The following PCDHGA3 variants were observed in gnomAD, a reference collection of about 807,000 sequenced individuals.
PCDHGA3 encodes the protein protocadherin gamma subfamily A, 3, also known as protocadherin gamma-A3.
In PCDHGA3, 40 loss-of-function variants were observed where a neutral mutation model predicts 58.5. The ratio of observed to expected loss-of-function variants is 0.68; its 90% CI spans 0.53 to 0.89. The LOEUF is 0.89. Ranked by LOEUF, PCDHGA3 falls within the 40% of genes least tolerant of loss-of-function variation. The pLI, the probability that PCDHGA3 is intolerant of heterozygous loss-of-function variation, is 0.00. For synonymous variants in PCDHGA3, 530 were observed against 525.7 expected (o/e 1.01, Z -0.11); for missense variants, 1,223 against 1,195.9 (o/e 1.02, Z -0.33).
At chr5:141,412,139 T>C (rs1380576842) in intron 1 of PCDHGA3, 1 of 152,250 alleles carries the variant, frequency 6.6e-6, no homozygotes, top group Non-Finnish European at 1.5e-5. Flanking sequence ...TGGCCTCTGA[T>C]ACAAACTGCC....
At chr5:141,389,088 T>G (rs774714581) in intron 1 of PCDHGA3, 2 of 1,613,894 alleles carry the variant, frequency 1.2e-6, no homozygotes, top group Non-Finnish European at 1.7e-6. Context: ...CACGTATAAA[T>G]TAGTGACAGA....
At chr5:141,365,866 T>C (rs1335120625) in intron 1 of PCDHGA3, 1 of 1,614,068 alleles carries the variant, frequency 6.2e-7, no homozygotes, top group South Asian at 1.1e-5. Flanking sequence ...CTGACACCGG[T>C]GTCCTGTATG....
intron 1 of PCDHGA3, among the ~76,000 whole-genome samples, chr5:141,348,106 A>G (rs1316690272): frequency 1.3e-5 from 2 of 152,266 alleles, no homozygotes; most frequent in Non-Finnish European, 2.9e-5. Context: ...CTTATTCTGC[A>G]ATTTATGAAA....
Position 141,432,943 on chromosome 5 carries a change from A to G in PCDHGA3, c.2425-61864A>G, listed in dbSNP as rs1200038728. ...ACAAGTCACGCCTGCTGCAGGCTTC[A>G]GGAGGCGGCTTGACAGGAGCGCCGG... On this transcript the variant is annotated intron_variant, in intron 1 of 3. Transcript: ENST00000253812. This position sits in a 1 kb window ranked among gnomAD's most constrained non-coding sequence, Gnocchi z 6.0. 5.6e-6 allele frequency: 9 copies of G among 1,614,168 alleles called. No homozygotes were observed. The highest frequency in any genetic ancestry group is 1.7e-4 in the Middle Eastern group (1 of 6,060).
rs568314069 is a variant in PCDHGA3 at position 141,486,371 on chromosome 5, G to C, written c.2425-8436G>C. 53 of 1,614,138 alleles carry C rather than the reference G, an allele frequency of 3.3e-5. 2 individuals are homozygous for C. The South Asian group carries it at 5.3e-4, about 16-fold the overall frequency. Reference sequence around the variant, plus strand: ...CCACTTGCCATTTGCCCTCAAGTCTGCCTTCAGGAACCAGTTCTCCCTGGT... The same window carrying C: ...CCACTTGCCATTTGCCCTCAAGTCTCCCTTCAGGAACCAGTTCTCCCTGGT... On this transcript the variant is annotated intron_variant, in intron 1 of 3. Transcript: ENST00000253812. The surrounding 1 kb of genome is among the most constrained non-coding windows in gnomAD (Gnocchi z 5.0).
At chr5:141,394,705 C>A (rs1245348426) in intron 1 of PCDHGA3, 1 of 1,613,256 alleles carries the variant, frequency 6.2e-7, no homozygotes, top group African/African-American at 1.3e-5. Context: ...ACGGCGCGAG[C>A]CCTGCTGGAC....
rs776348214 is a variant in PCDHGA3 at position 141,487,781 on chromosome 5, G to A, written c.2425-7026G>A. 108 of 1,526,850 alleles carry A rather than the reference G, an allele frequency of 7.1e-5. No individual in the cohort carries two copies. Among genetic ancestry groups the A allele is most frequent in the East Asian group, 3.7e-4 (15 of 40,622 alleles). 94.6% of individuals were successfully genotyped at this position (1,526,850 alleles called of 1,614,324 possible). On this transcript the variant is annotated intron_variant, in intron 1 of 3. Coordinates refer to ENST00000253812, the MANE Select transcript of PCDHGA3 (RefSeq NM_018916.4). This position sits in a 1 kb window ranked among gnomAD's most constrained non-coding sequence, Gnocchi z 5.0. ...AGACGCTGTGCTTTGTAACTGTTTC[G>A]TGAATTAACCAGAGTTGTCACAGTT... is the stretch of plus-strand genomic sequence containing the variant.
rs1167812243 is a variant in PCDHGA3, at chr5:141,414,179, C to T, written c.2424+67722C>T. ...GATGGAGGAGCATATCTTGCAACTG[C>T]AAAAGTGTTGATTACAGTAGAAGAT... On this transcript the variant is annotated intron_variant, in intron 1 of 3. Transcript: ENST00000253812. 3 of 1,608,128 alleles carry T rather than the reference C, an allele frequency of 1.9e-6. No individual in the cohort carries two copies. In the South Asian group the frequency reaches 3.3e-5, roughly 18 times the overall value.
At chr5:141,456,968 AAAAC>A (rs202005606) in intron 1 of PCDHGA3, among the ~76,000 whole-genome samples, 2,421 of 152,270 alleles carry the variant, frequency 0.016, 37 homozygotes, top group Non-Finnish European at 0.025. Context: ...ATCTCAAAAC[AAAAC>A]AAACAAACAA....
intron 1 of PCDHGA3, chr5:141,387,968 G>A (rs1169859236): frequency 7.4e-6 from 11 of 1,489,402 alleles, no homozygotes; most frequent in Non-Finnish European, 9.9e-6. Flanking sequence ...TCTGCCCGGC[G>A]CTCTGTGAGC....
chr5:141,369,686 T>A (rs1449801725), intron 1 of PCDHGA3, among the ~76,000 whole-genome samples: 1 of 152,156 alleles, frequency 6.6e-6, no homozygotes, highest in Non-Finnish European at 1.5e-5. Context: ...AAACATAGAA[T>A]AAAACTAAAA....
chr5:141,425,836 C>T (rs568578402), intron 1 of PCDHGA3, among the ~76,000 whole-genome samples: 1 of 152,344 alleles, frequency 6.6e-6, no homozygotes, highest in East Asian at 1.9e-4. Context: ...TTTAAATTCT[C>T]TTTGCTGGGT....
Position 141,432,038 on chromosome 5 carries a change from C to A in PCDHGA3, c.2425-62769C>A. On this transcript the variant is annotated intron_variant, in intron 1 of 3. Transcript: ENST00000253812. The surrounding 1 kb of genome is among the most constrained non-coding windows in gnomAD (Gnocchi z 6.0). ...CAACATCACAGTGACCGCCACTGAC[C>A]GGGGAACCCCGCCCCTATCCACGGA... 1 of 1,614,190 alleles carries A rather than the reference C, an allele frequency of 6.2e-7. No homozygotes were observed. The highest frequency in any genetic ancestry group is 1.1e-5 in the South Asian group (1 of 91,072).
rs992096722 is a variant in PCDHGA3, at chr5:141,413,506, A to G, written c.2424+67049A>G. 3 of 1,613,910 alleles carry G rather than the reference A, an allele frequency of 1.9e-6. No individual in the cohort carries two copies. The highest frequency in any genetic ancestry group is 2.7e-5 in the African/African-American group (2 of 74,954). On this transcript the variant is annotated intron_variant, in intron 1 of 3. Coordinates refer to ENST00000253812, the MANE Select transcript of PCDHGA3 (RefSeq NM_018916.4). ...GAGCGCGCGGTGCGTGGTGAGTTTT[A>G]ATATCCTTGTGGAAGACAGGGTGAA... is the stretch of plus-strand genomic sequence containing the variant.
At chr5:141,457,878 C>A (rs1263626843) in intron 1 of PCDHGA3, among the ~76,000 whole-genome samples, 1 of 152,190 alleles carries the variant, frequency 6.6e-6, no homozygotes, top group East Asian at 1.9e-4. Context: ...GGTTAGGAAC[C>A]CTGTGTGGGG....
At chr5:141,408,329 A>C (rs2095085203) in intron 1 of PCDHGA3, 1 of 1,613,580 alleles carries the variant, frequency 6.2e-7, no homozygotes, top group Non-Finnish European at 8.5e-7. Context: ...GGAGCTGGCC[A>C]AGGGCTCGGT....
rs1414835001 is a variant in PCDHGA3 at position 141,476,225 on chromosome 5, A to T, written c.2425-18582A>T. 1.2e-6 allele frequency: 2 copies of T among 1,613,882 alleles called. No individual in the cohort carries two copies. Among genetic ancestry groups the T allele is most frequent in the Non-Finnish European group, 1.7e-6 (2 of 1,180,012 alleles). ...GGCTTCCACGGTCATTCACTATGAG[A>T]TCCCGGAGGAAAGAGAGAAGGGTTT... On this transcript the variant is annotated intron_variant, in intron 1 of 3. Transcript: ENST00000253812. This position sits in a 1 kb window ranked among gnomAD's most constrained non-coding sequence, Gnocchi z 7.6.
At position 141,511,855 on chromosome 5, in the gene PCDHGA3, ATTGT is replaced by A. The variant is rs2099883980; in HGVS notation, c.*686_*689del. ...GGACCAGTCTTCTGTTTTGTTTTTCATTGTTTGACGTTTCCACTGCATGCCTTGA... is the reference window on the plus strand; with the variant it reads ...GGACCAGTCTTCTGTTTTGTTTTTCATTGACGTTTCCACTGCATGCCTTGA... On this transcript the variant is annotated 3_prime_UTR_variant, in exon 4 of 4. Coordinates refer to ENST00000253812, the MANE Select transcript of PCDHGA3 (RefSeq NM_018916.4). 1 of 156,316 alleles carries A rather than the reference ATTGT, an allele frequency of 6.4e-6. No individual in the cohort carries two copies. Among genetic ancestry groups the A allele is most frequent in the South Asian group, 2.0e-4 (1 of 5,082 alleles). The allele number at this position is 156,316 out of a possible 1,614,324, so 9.7% of individuals were successfully genotyped here.
In PCDHGA3 at chr5:141,371,282, T is replaced by G. The variant is rs201701201; in HGVS notation, c.2424+24825T>G. On this transcript the variant is annotated intron_variant, in intron 1 of 3. Coordinates refer to ENST00000253812, the MANE Select transcript of PCDHGA3 (RefSeq NM_018916.4). ...TGAGACAACTGTTCAAGCTGGACAG[T>G]AAAACGGGGGAACTCACCACTATTG... 2.0e-4 allele frequency: 326 copies of G among 1,613,828 alleles called. 2 individuals are homozygous for G. The highest frequency in any genetic ancestry group is 4.9e-4 in the Middle Eastern group (3 of 6,084).
Sources: allele counts gnomAD v4.1 joint callset (sites outside exome capture counted in the v4.1 genomes callset), GRCh38; gene constraint gnomAD v4.1.1; non-coding constraint Gnocchi (gnomAD v3.1); transcripts MANE v1.5; gene names NCBI Gene and HGNC (gene_info 2026-07-23, HGNC 2026-07-21).